The following MEGF9 variants were observed in gnomAD, a reference collection of about 807,000 sequenced individuals.
MEGF9 encodes the protein multiple EGF like domains 9.
Under a neutral mutation model 46.8 loss-of-function variants are expected in MEGF9, and 6 were observed. That is an observed-to-expected ratio of 0.13 (90% confidence interval 0.07 to 0.25). The LOEUF (loss-of-function observed/expected upper bound fraction) is 0.25, where lower values mean the gene tolerates loss of function less well. Among genes scored for constraint, MEGF9 ranks in the 10% least tolerant of loss-of-function variants. The pLI, the probability that MEGF9 is intolerant of heterozygous loss-of-function variation, is 1.00. For missense variants in MEGF9, 683 were observed against 792.4 expected, an observed-to-expected ratio of 0.86 and a Z score of 1.66; for synonymous variants, 302 against 330.7, an observed-to-expected ratio of 0.91 and a Z score of 0.94.
At chr9:120,615,285 GTGCA>G (rs1014935821) in intron 3 of MEGF9, among the ~76,000 whole-genome samples, 148 of 137,774 alleles carry the variant, frequency 1.1e-3, no homozygotes, top group African/African-American at 4.6e-3. Context: ...GCGTGTGTGT[GTGCA>G]TGTGTGTGTA....
At chr9:120,639,287 T>A (rs996774286) in intron 2 of MEGF9, among the ~76,000 whole-genome samples, 2 of 151,900 alleles carry the variant, frequency 1.3e-5, no homozygotes, top group African/African-American at 4.8e-5. Context: ...GGTGGGTGGA[T>A]AATTTGAGGT....
At chr9:120,663,822 A>G (rs2043713512) in intron 1 of MEGF9, among the ~76,000 whole-genome samples, 1 of 152,246 alleles carries the variant, frequency 6.6e-6, no homozygotes, top group African/African-American at 2.4e-5. Context: ...AAATAATTAG[A>G]GAAGGGTAAT....
Position 120,684,903 on chromosome 9 carries a change from G to A in MEGF9, c.602-25328C>T, listed in dbSNP as rs1047958379. Among the ~76,000 whole-genome samples the A allele has an allele frequency of 4.0e-5, 6 of 150,706 alleles. No homozygotes were observed. The South Asian group carries it at 6.3e-4, about 16-fold the overall frequency. On this transcript the variant is annotated intron_variant, in intron 1 of 5. Coordinates refer to ENST00000373930, the MANE Select transcript of MEGF9 (RefSeq NM_001080497.3). Reference sequence around the variant, plus strand: ...GTCTGGAGTGCAGTGGCACGATCTCGGCTCACTGCAAGCTCCACCTCCCAG... The same window carrying A: ...GTCTGGAGTGCAGTGGCACGATCTCAGCTCACTGCAAGCTCCACCTCCCAG...
At chr9:120,635,015 T>C (rs756978919) in intron 2 of MEGF9, among the ~76,000 whole-genome samples, 4 of 152,240 alleles carry the variant, frequency 2.6e-5, no homozygotes, top group Non-Finnish European at 5.9e-5. Context: ...TGGTGATGAA[T>C]TCCCTCAGTT....
At chr9:120,711,486 G>A (rs769949539) in intron 1 of MEGF9, among the ~76,000 whole-genome samples, 1 of 152,096 alleles carries the variant, frequency 6.6e-6, no homozygotes, top group Non-Finnish European at 1.5e-5. Context: ...AAAAAGATCT[G>A]ACAAATTGCT....
intron 1 of MEGF9, among the ~76,000 whole-genome samples, chr9:120,708,235 T>C (rs1396565463): frequency 1.3e-5 from 2 of 151,654 alleles, no homozygotes; most frequent in Non-Finnish European, 2.9e-5. Flanking sequence ...CGTGGCGGCA[T>C]GCGCCTGTAG....
chr9:120,645,101 T>A (rs556801025), intron 2 of MEGF9, among the ~76,000 whole-genome samples: 9 of 152,326 alleles, frequency 5.9e-5, no homozygotes, highest in African/African-American at 2.2e-4. Flanking sequence ...GGCCCTACTG[T>A]CCTGAGATAA....
chr9:120,627,238 T>C (rs1564415177), intron 2 of MEGF9, among the ~76,000 whole-genome samples: 1 of 152,144 alleles, frequency 6.6e-6, no homozygotes, highest in Non-Finnish European at 1.5e-5. Context: ...CTACATTAGG[T>C]GGGATCAAAG....
intron 1 of MEGF9, among the ~76,000 whole-genome samples, chr9:120,685,105 A>T (rs2043816433): frequency 6.6e-6 from 1 of 152,188 alleles, no homozygotes; most frequent in African/African-American, 2.4e-5. Flanking sequence ...AAGTGCTGGG[A>T]TTACAGGCGT....
At chr9:120,647,687 T>C (rs1019537378) in intron 2 of MEGF9, among the ~76,000 whole-genome samples, 15 of 152,210 alleles carry the variant, frequency 9.9e-5, no homozygotes, top group African/African-American at 3.1e-4. Flanking sequence ...CATAAGAATA[T>C]GCTAGATTAG....
intron 1 of MEGF9, among the ~76,000 whole-genome samples, chr9:120,677,124 TGA>T (rs1256193315): frequency 1.1e-4 from 1 of 9,342 alleles, no homozygotes; most frequent in Non-Finnish European, 5.6e-4. Flanking sequence ...TTCGTGTGTG[TGA>T]GTGTGTGTGT....
At chr9:120,666,376 C>T (rs1462506791) in intron 1 of MEGF9, among the ~76,000 whole-genome samples, 1 of 152,100 alleles carries the variant, frequency 6.6e-6, no homozygotes, top group African/African-American at 2.4e-5. Flanking sequence ...CTATTCTCAG[C>T]ACACACAATG....
intron 1 of MEGF9, among the ~76,000 whole-genome samples, chr9:120,684,540 C>T (rs1445458208): frequency 6.6e-6 from 1 of 152,220 alleles, no homozygotes; most frequent in African/African-American, 2.4e-5. Flanking sequence ...CCACACTTCA[C>T]TATTATCAAA....
intron 1 of MEGF9, among the ~76,000 whole-genome samples, chr9:120,679,979 A>C (rs1222908874): frequency 6.6e-6 from 1 of 151,232 alleles, no homozygotes; most frequent in African/African-American, 2.4e-5. Flanking sequence ...TGCATTCTTC[A>C]GCATGTCAAT....
chr9:120,703,445 G>C (rs1388356916), intron 1 of MEGF9, among the ~76,000 whole-genome samples: 1 of 152,170 alleles, frequency 6.6e-6, no homozygotes, highest in Non-Finnish European at 1.5e-5. Context: ...CAGTCATAAA[G>C]TAAGGTTAAT....
At chr9:120,641,812 T>A (rs2043604353) in intron 2 of MEGF9, among the ~76,000 whole-genome samples, 1 of 152,246 alleles carries the variant, frequency 6.6e-6, no homozygotes, top group Non-Finnish European at 1.5e-5. Context: ...GGCATAGTGA[T>A]GAACCCTGAA....
At chr9:120,654,015 G>A (rs1235099211) in intron 2 of MEGF9, among the ~76,000 whole-genome samples, 1 of 152,202 alleles carries the variant, frequency 6.6e-6, no homozygotes, top group Non-Finnish European at 1.5e-5. Context: ...GCTGCCATGA[G>A]CTTCAAAGGA....
intron 1 of MEGF9, among the ~76,000 whole-genome samples, chr9:120,704,054 T>C (rs765600456): frequency 8.0e-5 from 12 of 149,572 alleles, no homozygotes; most frequent in African/African-American, 2.7e-4. Context: ...GAAATTGAGG[T>C]TGGGCGCGGT....
intron 2 of MEGF9, among the ~76,000 whole-genome samples, chr9:120,634,162 A>G (rs1357858760): frequency 2.6e-5 from 4 of 152,146 alleles, no homozygotes; most frequent in African/African-American, 9.7e-5. Flanking sequence ...TCTAGATGAT[A>G]TGTCCAATGT....
Sources: allele counts gnomAD v4.1 joint callset (sites outside exome capture counted in the v4.1 genomes callset), GRCh38; gene constraint gnomAD v4.1.1; transcripts MANE v1.5; gene names NCBI Gene and HGNC (gene_info 2026-07-23, HGNC 2026-07-21).